GRID2: variants seen among roughly 807,000 people sequenced by gnomAD.
The protein encoded by GRID2 is glutamate ionotropic receptor delta type subunit 2, also known as glutamate receptor ionotropic, delta-2.
In GRID2, 33 loss-of-function variants were observed where a neutral mutation model predicts 114.8. The observed-to-expected ratio is 0.29, with a 90% CI of 0.22 to 0.38. The LOEUF is 0.38. Ranked by LOEUF, GRID2 falls within the 10% of genes least tolerant of loss-of-function variation. GRID2 has a pLI of 1.00. For missense variants in GRID2, 1,184 were observed against 1,257.7 expected (o/e 0.94, Z 0.89); for synonymous variants, 505 against 449.9 (o/e 1.12, Z -1.55).
chr4:92,978,855 T>A (rs940472661), intron 2 of GRID2, among the ~76,000 whole-genome samples: 2 of 151,936 alleles, frequency 1.3e-5, no homozygotes, highest in African/African-American at 4.8e-5. Flanking sequence ...AGTGAGACCC[T>A]GTCTCTACAA....
In GRID2 at chr4:92,828,610, T is replaced by C. The variant is rs546915954; in HGVS notation, c.244+238324T>C. 5.3e-5 allele frequency among the ~76,000 whole-genome samples: 8 copies of C among 152,228 alleles called. No individual in the cohort carries two copies. In the South Asian group the frequency reaches 1.7e-3, roughly 32 times the overall value. ...CATATTTGGTTATAAATGCCCTACATTTCTGACTTTTAACTAATTACAGAT... is the reference window on the plus strand; with the variant it reads ...CATATTTGGTTATAAATGCCCTACACTTCTGACTTTTAACTAATTACAGAT... On this transcript the variant is annotated intron_variant, in intron 2 of 15. Coordinates refer to ENST00000282020, the MANE Select transcript of GRID2 (RefSeq NM_001510.4).
chr4:93,583,833 C>T (rs1018987961), intron 13 of GRID2, among the ~76,000 whole-genome samples: 31 of 152,130 alleles, frequency 2.0e-4, no homozygotes, highest in African/African-American at 7.2e-4. Context: ...TAATACATAG[C>T]CTTCAAGCTT....
chr4:92,455,437 AAGG>A (rs1174330042), intron 1 of GRID2, among the ~76,000 whole-genome samples: 3 of 152,142 alleles, frequency 2.0e-5, no homozygotes, highest in African/African-American at 7.2e-5. Flanking sequence ...AGAATGTGAG[AAGG>A]AGAAGTACAC....
In GRID2 at chr4:93,115,753, AG is replaced by A. The variant is rs571588672; in HGVS notation, c.735+4804del. Among the ~76,000 whole-genome samples the A allele has an allele frequency of 2.0e-5, 3 of 152,244 alleles. No individual in the cohort carries two copies. The East Asian group carries it at 5.8e-4, about 29-fold the overall frequency. On this transcript the variant is annotated intron_variant, in intron 4 of 15. Transcript: ENST00000282020. Reference sequence around the variant, plus strand: ...CAAGAGAGAATGAGAGCCAATCCAAAGGGGAAACCCCTTATAAAACCAACAG... The same window carrying A: ...CAAGAGAGAATGAGAGCCAATCCAAAGGGAAACCCCTTATAAAACCAACAG...
chr4:93,727,197 G>T (rs533821659), intron 14 of GRID2, among the ~76,000 whole-genome samples: 3 of 152,168 alleles, frequency 2.0e-5, no homozygotes, highest in African/African-American at 2.4e-5. Flanking sequence ...TAGCATGAAG[G>T]GTTGTTGAAT....
At chr4:92,995,267 C>G (rs1038478601) in intron 2 of GRID2, among the ~76,000 whole-genome samples, 4 of 152,116 alleles carry the variant, frequency 2.6e-5, no homozygotes, top group African/African-American at 9.7e-5. Context: ...CTCTCTCTCC[C>G]TCCTCTAATT....
intron 10 of GRID2, among the ~76,000 whole-genome samples, chr4:93,427,337 ATTG>A (rs1188614230): frequency 1.3e-5 from 2 of 152,004 alleles, no homozygotes; most frequent in Non-Finnish European, 2.9e-5. Context: ...CAAGCTTATT[ATTG>A]TTATTATATC....
intron 14 of GRID2, among the ~76,000 whole-genome samples, chr4:93,644,834 A>C (rs1721962799): frequency 6.6e-6 from 1 of 152,162 alleles, no homozygotes; most frequent in Non-Finnish European, 1.5e-5. Flanking sequence ...TGAAGGGTTT[A>C]GTAAAGCCTA....
intron 2 of GRID2, among the ~76,000 whole-genome samples, chr4:92,673,187 T>G: frequency 6.6e-6 from 1 of 152,254 alleles, no homozygotes; most frequent in South Asian, 2.1e-4. Context: ...ATTTTATATA[T>G]ATATATTTGA....
intron 1 of GRID2, among the ~76,000 whole-genome samples, chr4:92,515,740 C>T (rs909302548): frequency 2.0e-5 from 3 of 151,836 alleles, no homozygotes; most frequent in African/African-American, 4.8e-5. Context: ...TACCTACTAA[C>T]GGTTGAGCTT....
intron 8 of GRID2, among the ~76,000 whole-genome samples, chr4:93,370,911 T>C (rs1762826905): frequency 6.6e-6 from 1 of 152,186 alleles, no homozygotes; most frequent in Admixed American, 6.5e-5. Flanking sequence ...TGAACTAAAT[T>C]ACTGTAAATT....
At chr4:93,688,110 A>T (rs1252654982) in intron 14 of GRID2, among the ~76,000 whole-genome samples, 2 of 151,962 alleles carry the variant, frequency 1.3e-5, no homozygotes, top group Admixed American at 1.3e-4. Context: ...GTGGAATATA[A>T]AGTGAGATCA....
intron 2 of GRID2, among the ~76,000 whole-genome samples, chr4:92,961,862 T>G (rs558576114): frequency 6.6e-6 from 1 of 152,042 alleles, no homozygotes; most frequent in Non-Finnish European, 1.5e-5. Flanking sequence ...GATGGTTTTT[T>G]TAATCTTTTT....
intron 14 of GRID2, among the ~76,000 whole-genome samples, chr4:93,649,992 C>T (rs1278984751): frequency 6.6e-6 from 1 of 152,042 alleles, no homozygotes; most frequent in South Asian, 2.1e-4. Flanking sequence ...TATGCCTTTC[C>T]CCACCACCAC....
chr4:92,790,567 C>T (rs1253398996), intron 2 of GRID2, among the ~76,000 whole-genome samples: 1 of 151,596 alleles, frequency 6.6e-6, no homozygotes, highest in South Asian at 2.1e-4. Context: ...AGACATGCAC[C>T]ACCACGCCCA....
chr4:92,930,950 C>A (rs113384661), intron 2 of GRID2, among the ~76,000 whole-genome samples: 3,632 of 150,490 alleles, frequency 0.024, 75 homozygotes, highest in East Asian at 0.054. Flanking sequence ...GGGGAAAAAA[C>A]GAAAAAGTAA....
At chr4:93,703,235 TA>T (rs1296382762) in intron 14 of GRID2, among the ~76,000 whole-genome samples, 1 of 152,148 alleles carries the variant, frequency 6.6e-6, no homozygotes, top group Non-Finnish European at 1.5e-5. Flanking sequence ...TCCTAATTCT[TA>T]TTGAATAGGA....
chr4:93,284,325 G>C (rs1752930293), intron 8 of GRID2, among the ~76,000 whole-genome samples: 1 of 151,930 alleles, frequency 6.6e-6, no homozygotes, highest in African/African-American at 2.4e-5. Flanking sequence ...GACACATAGA[G>C]GGGATCAACA....
At chr4:93,106,298 T>A (rs1732224564) in intron 3 of GRID2, among the ~76,000 whole-genome samples, 1 of 152,216 alleles carries the variant, frequency 6.6e-6, no homozygotes, top group Admixed American at 6.6e-5. Context: ...ATGATTGTGA[T>A]GTGTGATGAT....
Sources: gnomAD v4.1 joint callset for allele counts (sites outside exome capture counted in the v4.1 genomes callset) on GRCh38, gnomAD v4.1.1 for gene constraint, MANE v1.5 for transcripts, NCBI Gene and HGNC (gene_info 2026-07-23, HGNC 2026-07-21) for gene names.